The following FOXN3 variants were observed in gnomAD, a reference collection of about 807,000 sequenced individuals.
FOXN3 encodes forkhead box N3.
FOXN3 carries 7 observed loss-of-function variants against 38.4 expected under a neutral mutation model. The ratio of observed to expected loss-of-function variants is 0.18; its 90% CI spans 0.10 to 0.34. The LOEUF is 0.34. Ranked by LOEUF, FOXN3 falls within the 10% of genes least tolerant of loss-of-function variation. FOXN3 has a pLI of 1.00. For missense variants in FOXN3, 456 were observed against 613.4 expected (o/e 0.74, Z 2.71); for synonymous variants, 230 against 242.2 (o/e 0.95, Z 0.47).
At chr14:89,427,298 G>A (rs1398303430) in intron 1 of FOXN3, among the ~76,000 whole-genome samples, 3 of 128,874 alleles carry the variant, frequency 2.3e-5, no homozygotes, top group African/African-American at 8.8e-5. Flanking sequence ...AAGGAAAAGG[G>A]GACTTTTTTT....
intron 1 of FOXN3, among the ~76,000 whole-genome samples, chr14:89,422,892 G>A (rs1236097047): frequency 1.3e-5 from 2 of 152,194 alleles, no homozygotes; most frequent in Non-Finnish European, 2.9e-5. Context: ...CATCAGCTCA[G>A]GTGCCCTCGC....
intron 1 of FOXN3, among the ~76,000 whole-genome samples, chr14:89,509,582 G>A (rs1300179375): frequency 3.9e-5 from 6 of 152,152 alleles, no homozygotes; most frequent in Non-Finnish European, 7.3e-5. Flanking sequence ...TGATCTGCCC[G>A]CCTCGGCCTC....
intron 2 of FOXN3, among the ~76,000 whole-genome samples, chr14:89,381,532 C>CAA (rs71897384): frequency 0.25 from 18,727 of 75,346 alleles, 2,026 homozygotes; most frequent in Admixed American, 0.35. Context: ...CCTCAAAAAG[C>CAA]AAAAAAAAAA....
In FOXN3 at chr14:89,157,364, T is replaced by C. The variant is rs1032531993; in HGVS notation, c.*5050A>G. 1 of 152,678 alleles carries C rather than the reference T, an allele frequency of 6.5e-6. No homozygotes were observed. 9.5% of individuals were successfully genotyped at this position (152,678 alleles called of 1,614,324 possible). A position where few individuals can be genotyped will look rare whatever the true frequency, so the allele number is the denominator to read the frequency against. On this transcript the variant is annotated 3_prime_UTR_variant, in exon 6 of 6. Transcript: ENST00000557258. ...ACTGCAAGGTCACACACATTATTCA[T>C]GATAAAGCAACCGAGCTGACGAGTC... is the stretch of plus-strand genomic sequence containing the variant.
intron 1 of FOXN3, among the ~76,000 whole-genome samples, chr14:89,483,117 G>A (rs1160219579): frequency 1.3e-5 from 2 of 152,136 alleles, no homozygotes; most frequent in Non-Finnish European, 2.9e-5. Context: ...TGAAGCAGGA[G>A]AATCGCTTGA....
intron 1 of FOXN3, among the ~76,000 whole-genome samples, chr14:89,413,935 G>T (rs1228798426): frequency 6.4e-5 from 9 of 139,616 alleles, no homozygotes; most frequent in African/African-American, 2.2e-4. Context: ...GAAGCGGGAG[G>T]GGGAGGAGAA....
At chr14:89,189,604 C>T (rs139588535) in intron 4 of FOXN3, among the ~76,000 whole-genome samples, 99 of 152,250 alleles carry the variant, frequency 6.5e-4, no homozygotes, top group African/African-American at 2.3e-3. Context: ...GTACTGACCT[C>T]GAGTGGGGAG....
chr14:89,257,477 C>T (rs1885659937), intron 4 of FOXN3, among the ~76,000 whole-genome samples: 1 of 152,194 alleles, frequency 6.6e-6, no homozygotes, highest in Non-Finnish European at 1.5e-5. Context: ...CTAATTACCA[C>T]CTGTAAGTAC....
intron 1 of FOXN3, among the ~76,000 whole-genome samples, chr14:89,414,489 C>T (rs1456023923): frequency 6.6e-6 from 1 of 151,600 alleles, no homozygotes; most frequent in African/African-American, 2.4e-5. Context: ...CTTCCCTCTT[C>T]CAAAAGGTAG....
At chr14:89,558,740 G>A (rs1461568758) in intron 1 of FOXN3, among the ~76,000 whole-genome samples, 1 of 152,184 alleles carries the variant, frequency 6.6e-6, no homozygotes, top group Non-Finnish European at 1.5e-5. Flanking sequence ...TCTGGAGCTC[G>A]GACCCAGCCA....
intron 1 of FOXN3, among the ~76,000 whole-genome samples, chr14:89,531,837 T>A (rs752723037): frequency 6.6e-6 from 1 of 151,994 alleles, no homozygotes; most frequent in Non-Finnish European, 1.5e-5. Flanking sequence ...TGAGACAGAG[T>A]CTCACCCTGG....
chr14:89,354,763 G>A (rs1474687197), intron 2 of FOXN3, among the ~76,000 whole-genome samples: 7 of 151,648 alleles, frequency 4.6e-5, no homozygotes, highest in Non-Finnish European at 7.4e-5. Flanking sequence ...GCTGAAGCAG[G>A]ATAATCTCTT....
At chr14:89,289,231 A>G (rs1476680419) in intron 3 of FOXN3, among the ~76,000 whole-genome samples, 1 of 151,290 alleles carries the variant, frequency 6.6e-6, no homozygotes, top group East Asian at 1.9e-4. Flanking sequence ...AAAAGCATGT[A>G]TTAGCAAGAC....
intron 1 of FOXN3, among the ~76,000 whole-genome samples, chr14:89,614,279 G>C (rs1026896961): frequency 6.6e-6 from 1 of 152,166 alleles, no homozygotes; most frequent in Non-Finnish European, 1.5e-5. Flanking sequence ...ATAAAGCCAT[G>C]CATTTCCAGC....
At chr14:89,612,140 G>A (rs1039484294) in intron 1 of FOXN3, among the ~76,000 whole-genome samples, 1 of 152,172 alleles carries the variant, frequency 6.6e-6, no homozygotes, top group East Asian at 1.9e-4. Context: ...GGTGACTCTG[G>A]GAACACAGTT....
At chr14:89,456,748 G>A (rs527945058) in intron 1 of FOXN3, among the ~76,000 whole-genome samples, 3 of 152,100 alleles carry the variant, frequency 2.0e-5, no homozygotes, top group African/African-American at 7.2e-5. Flanking sequence ...AGAGTGAAAC[G>A]CTGTCGCAAA....
chr14:89,588,710 T>A (rs372438944), intron 1 of FOXN3, among the ~76,000 whole-genome samples: 1 of 152,178 alleles, frequency 6.6e-6, no homozygotes, highest in South Asian at 2.1e-4. Flanking sequence ...CTCTCCTATA[T>A]AGCTAGTTAA....
At chr14:89,489,397 T>C (rs1480001462) in intron 1 of FOXN3, among the ~76,000 whole-genome samples, 2 of 152,244 alleles carry the variant, frequency 1.3e-5, no homozygotes, top group African/African-American at 4.8e-5. Flanking sequence ...AAAAGCAACA[T>C]GTTTCTGATG....
intron 1 of FOXN3, among the ~76,000 whole-genome samples, chr14:89,580,486 C>T (rs1895720388): frequency 2.0e-5 from 3 of 152,200 alleles, no homozygotes; most frequent in Admixed American, 2.0e-4. Flanking sequence ...ACTCCACTTT[C>T]TCAAAACCCT....
Sources: allele counts gnomAD v4.1 joint callset (sites outside exome capture counted in the v4.1 genomes callset), GRCh38; gene constraint gnomAD v4.1.1; transcripts MANE v1.5; gene names NCBI Gene and HGNC (gene_info 2026-07-23, HGNC 2026-07-21).